Variants in ABL2 observed in about 807,000 individuals in gnomAD.
ABL2 encodes ABL proto-oncogene 2, non-receptor tyrosine kinase.
Under a neutral mutation model 107.7 loss-of-function variants are expected in ABL2, and 49 were observed. That is an observed-to-expected ratio of 0.45 (90% CI 0.36 to 0.58). The LOEUF (loss-of-function observed/expected upper bound fraction) is 0.58, where lower values mean the gene tolerates loss of function less well. Ranked by LOEUF, ABL2 falls within the 20% of genes least tolerant of loss-of-function variation. ABL2 has a pLI of 0.00. For synonymous variants in ABL2, 549 were observed against 548.6 expected (o/e 1.00, Z -0.01); for missense variants, 1,245 against 1,457.0 (o/e 0.85, Z 2.37).
intron 1 of ABL2, among the ~76,000 whole-genome samples, chr1:179,192,832 C>A (rs963999520): frequency 6.6e-6 from 1 of 152,120 alleles, no homozygotes; most frequent in Non-Finnish European, 1.5e-5. Flanking sequence ...GAATTATTTT[C>A]TTAAAATTTT....
At position 179,108,626 on chromosome 1, in the gene ABL2, C is replaced by A. The variant is rs779212507; in HGVS notation, c.2641G>T (p.Val881Leu). Residue 881 changes from valine to leucine, a missense_variant, in exon 12 of 12, where the codon GTG (valine) becomes TTG (leucine). By Grantham distance (32) the Val-to-Leu change is conservative. Transcript: ENST00000502732. ...TTGGGGGCAGCTGCCACTCCAGCCA[C>A]TCCCACCCCTGGAGGGTCCTTCTCT... ...ITEKDPPGVG[V>L]AGVAAAPKGK... 9 of 1,614,218 alleles carry A rather than the reference C, an allele frequency of 5.6e-6. No homozygotes were observed. In the Admixed American group the frequency reaches 1.5e-4, roughly 27 times the overall value.
intron 1 of ABL2, among the ~76,000 whole-genome samples, chr1:179,147,376 G>GAA (rs1198377445): frequency 6.6e-6 from 1 of 151,998 alleles, no homozygotes; most frequent in East Asian, 1.9e-4. Flanking sequence ...CTACCCAAAG[G>GAA]AAAAGAAATC....
chr1:179,219,100 C>T (rs967278250), intron 1 of ABL2, among the ~76,000 whole-genome samples: 6 of 152,046 alleles, frequency 3.9e-5, no homozygotes, highest in African/African-American at 9.7e-5. Context: ...TGGAGTGCAG[C>T]GACGTGATTA....
Position 179,108,697 on chromosome 1 carries a change from G to A in ABL2, c.2570C>T (p.Ala857Val). ...GGGTGTTCTGAGAGGAAGAGCTGTG[G>A]CTCCTCTGGGCAATAACTTGGCTTT... ...RPKAKLLPRG[A>V]TALPLRTPSG... Residue 857 changes from alanine (A) to valine (V), a missense_variant, in exon 12 of 12, where the codon GCC becomes GTC. By Grantham distance (64) the Ala-to-Val change is moderately conservative. Around this residue, in one of 3 missense-constraint regions of ABL2, gnomAD observed 761 missense variants for 766.4 expected, o/e 0.99. Transcript: ENST00000502732. 1 of 1,614,132 alleles carries A rather than the reference G, an allele frequency of 6.2e-7. No individual in the cohort carries two copies. Among genetic ancestry groups the A allele is most frequent in the Non-Finnish European group, 8.5e-7 (1 of 1,179,986 alleles).
At chr1:179,209,634 T>C (rs1662157084) in intron 1 of ABL2, among the ~76,000 whole-genome samples, 2 of 152,212 alleles carry the variant, frequency 1.3e-5, no homozygotes, top group South Asian at 4.1e-4. Flanking sequence ...GTAATTCAAA[T>C]ATATTAGAAT....
Position 179,162,480 on chromosome 1 carries a change from G to A in ABL2, c.158-29106C>T, listed in dbSNP as rs192218239. 8.3e-3 allele frequency among the ~76,000 whole-genome samples: 1,268 copies of A among 152,248 alleles called. 13 individuals carry two copies. Among genetic ancestry groups the A allele is most frequent in the South Asian group, 0.016 (78 of 4,824 alleles). On this transcript the variant is annotated intron_variant, in intron 1 of 11. Transcript: ENST00000502732. ...CACGTCTGTAACCGCAGCTACCTGG[G>A]AGACTGAGGCAGGAGAATTGCTTGA...
intron 1 of ABL2, among the ~76,000 whole-genome samples, chr1:179,186,697 G>A (rs1660701547): frequency 6.6e-6 from 1 of 151,836 alleles, no homozygotes; most frequent in Non-Finnish European, 1.5e-5. Context: ...CAATATGCCG[G>A]ACTTTCCATT....
At chr1:179,198,620 G>A (rs1281521815) in intron 1 of ABL2, among the ~76,000 whole-genome samples, 1 of 147,818 alleles carries the variant, frequency 6.8e-6, no homozygotes, top group Non-Finnish European at 1.5e-5. Flanking sequence ...TGGAACCAGG[G>A]GGGCAGAGGC....
rs554533809 is a variant in ABL2 at position 179,210,867 on chromosome 1, T to TA, written c.157+18373dup. Reference sequence around the variant, plus strand: ...AGACTCTGTCTCAAAAAAATAATAATAATAAATAAAAATAAAAATATTTCA... The same window carrying TA: ...AGACTCTGTCTCAAAAAAATAATAATAAATAAATAAAAATAAAAATATTTCA... On this transcript the variant is annotated intron_variant, in intron 1 of 11. Coordinates refer to ENST00000502732, the MANE Select transcript of ABL2 (RefSeq NM_007314.4). Among the ~76,000 whole-genome samples the TA allele has an allele frequency of 5.3e-3, 798 of 151,492 alleles. 7 individuals carry two copies. The highest frequency in any genetic ancestry group is 0.018 in the African/African-American group (755 of 41,376).
At chr1:179,214,100 G>C (rs942459833) in intron 1 of ABL2, among the ~76,000 whole-genome samples, 4 of 151,992 alleles carry the variant, frequency 2.6e-5, no homozygotes, top group African/African-American at 9.7e-5. Context: ...AATTAGGAAA[G>C]ATTATACTTA....
intron 1 of ABL2, among the ~76,000 whole-genome samples, chr1:179,191,103 A>G (rs1660983620): frequency 6.6e-6 from 1 of 152,202 alleles, no homozygotes; most frequent in Non-Finnish European, 1.5e-5. Context: ...AATTGCCAAG[A>G]AGGCCACAGG....
intron 1 of ABL2, among the ~76,000 whole-genome samples, chr1:179,141,043 G>A (rs1657535453): frequency 1.3e-5 from 2 of 150,800 alleles, no homozygotes; most frequent in African/African-American, 2.4e-5. Flanking sequence ...TTGAACCCGG[G>A]AGGCAGAGGT....
chr1:179,199,530 A>C (rs1435358688), intron 1 of ABL2, among the ~76,000 whole-genome samples: 1 of 152,184 alleles, frequency 6.6e-6, no homozygotes, highest in Non-Finnish European at 1.5e-5. Context: ...TCTTCACAGC[A>C]CATGTACTCT....
rs921037255 is a variant in ABL2, at chr1:179,100,471, A to C, written c.*7247T>G. 2 of 227,356 alleles carry C rather than the reference A, an allele frequency of 8.8e-6. No homozygotes were observed. The highest frequency in any genetic ancestry group is 5.7e-5 in the Admixed American group (1 of 17,582). 14.1% of individuals were successfully genotyped at this position (227,356 alleles called of 1,614,324 possible). A position where few individuals can be genotyped will look rare whatever the true frequency, so the allele number is the denominator to read the frequency against. Reference sequence around the variant, plus strand: ...CATAATTGCTGAAAATTAAGTATACATATATGTGAAAATTTAAGTCCCATT... The same window carrying C: ...CATAATTGCTGAAAATTAAGTATACCTATATGTGAAAATTTAAGTCCCATT... On this transcript the variant is annotated 3_prime_UTR_variant, in exon 12 of 12. Coordinates refer to ENST00000502732, the MANE Select transcript of ABL2 (RefSeq NM_007314.4).
intron 1 of ABL2, among the ~76,000 whole-genome samples, chr1:179,185,336 T>C (rs1660622050): frequency 1.3e-5 from 2 of 152,172 alleles, no homozygotes; most frequent in African/African-American, 2.4e-5. Context: ...TTAAAATAAA[T>C]TCTCTCCTAA....
chr1:179,211,639 G>A (rs1662280912), intron 1 of ABL2, among the ~76,000 whole-genome samples: 1 of 152,100 alleles, frequency 6.6e-6, no homozygotes, highest in Non-Finnish European at 1.5e-5. Flanking sequence ...GCTCATGCCT[G>A]TAATCCTAGC....
intron 3 of ABL2, 161 bp downstream of exon 3, chr1:179,131,150 G>T: frequency 3.5e-6 from 2 of 570,168 alleles, no homozygotes; most frequent in Non-Finnish European, 5.9e-6. Flanking sequence ...CACCATGTTG[G>T]CCAGGTTGGT....
intron 6 of ABL2, among the ~76,000 whole-genome samples, chr1:179,119,157 G>A (rs887350139): frequency 3.9e-5 from 6 of 152,076 alleles, no homozygotes; most frequent in Admixed American, 2.6e-4. Context: ...TGAAGACTAT[G>A]TGAGCCCCAC....
chr1:179,205,160 G>A (rs1661893855), intron 1 of ABL2, among the ~76,000 whole-genome samples: 1 of 151,870 alleles, frequency 6.6e-6, no homozygotes, highest in Non-Finnish European at 1.5e-5. Flanking sequence ...CTGAGTAGCT[G>A]GGATTACAAG....
Sources: gnomAD v4.1 joint callset for allele counts (sites outside exome capture counted in the v4.1 genomes callset) on GRCh38, gnomAD v4.1.1 for gene constraint, gnomAD v4.1.1 regional missense constraint, MANE v1.5 for transcripts, NCBI Gene and HGNC (gene_info 2026-07-23, HGNC 2026-07-21) for gene names.